CACNA2D1: variants seen among roughly 807,000 people sequenced by gnomAD.
CACNA2D1 encodes voltage-dependent calcium channel subunit alpha-2/delta-1.
A neutral mutation model predicts 171.5 loss-of-function variants in CACNA2D1; 53 were observed. The observed-to-expected ratio is 0.31, with a 90% CI of 0.25 to 0.39. CACNA2D1 has a LOEUF of 0.39. Ranked by LOEUF, CACNA2D1 falls within the 10% of genes least tolerant of loss-of-function variation. CACNA2D1 has a pLI of 1.00. For synonymous variants in CACNA2D1, 442 were observed against 443.1 expected, an observed-to-expected ratio of 1.00 and a Z score of 0.03; for missense variants, 903 against 1,299.8, an observed-to-expected ratio of 0.69 and a Z score of 4.69.
chr7:82,380,790 G>T (rs912782086), intron 1 of CACNA2D1, among the ~76,000 whole-genome samples: 1 of 151,902 alleles, frequency 6.6e-6, no homozygotes, highest in African/African-American at 2.4e-5. Context: ...CGCCTGCCAG[G>T]TTCAAGCGAT....
intron 12 of CACNA2D1, among the ~76,000 whole-genome samples, chr7:82,026,934 A>G (rs1421462099): frequency 1.3e-5 from 2 of 151,668 alleles, no homozygotes; most frequent in Non-Finnish European, 3.0e-5. Flanking sequence ...TATCATTTAT[A>G]CTCATTATTA....
At position 82,305,704 on chromosome 7, in the gene CACNA2D1, C is replaced by A. The variant is rs544779804; in HGVS notation, c.294+29431G>T. On this transcript the variant is annotated intron_variant, in intron 3 of 38. Transcript: ENST00000356860. Reference sequence around the variant, plus strand: ...TCATATTTTCTATGATGCTCATGCACATGTGTGCACAAATAATAAATTTAT... The same window carrying A: ...TCATATTTTCTATGATGCTCATGCAAATGTGTGCACAAATAATAAATTTAT... 4.5e-4 allele frequency among the ~76,000 whole-genome samples: 68 copies of A among 152,314 alleles called. 2 individuals carry two copies. Among genetic ancestry groups the A allele is most frequent in the Non-Finnish European group, 1.0e-4 (7 of 68,032 alleles).
chr7:82,308,395 G>C (rs55882051), intron 3 of CACNA2D1, among the ~76,000 whole-genome samples: 9,970 of 152,268 alleles, frequency 0.065, 376 homozygotes, highest in South Asian at 0.088. Context: ...AGGTGCCATT[G>C]TCTCCTTTTT....
rs1479968895 is a variant in CACNA2D1, at chr7:82,015,438, A to C, written c.1144-959T>G. ...CTAACATGCTATAAAGTATGCAAAT[A>C]TTTTAAAATCAATAGAGAGTTTTTA... On this transcript the variant is annotated intron_variant, in intron 12 of 38. Coordinates refer to ENST00000356860, the MANE Select transcript of CACNA2D1 (RefSeq NM_000722.4). Among the ~76,000 whole-genome samples the C allele has an allele frequency of 5.3e-5, 8 of 152,294 alleles. No homozygotes were observed. The East Asian group carries it at 7.7e-4, about 15-fold the overall frequency.
intron 3 of CACNA2D1, among the ~76,000 whole-genome samples, chr7:82,222,405 C>T (rs1004449433): frequency 6.6e-6 from 1 of 152,180 alleles, no homozygotes; most frequent in African/African-American, 2.4e-5. Flanking sequence ...TTTCCATACT[C>T]TATGCTATTA....
intron 3 of CACNA2D1, among the ~76,000 whole-genome samples, chr7:82,258,985 T>C (rs998684269): frequency 1.3e-5 from 2 of 152,032 alleles, no homozygotes; most frequent in Admixed American, 6.6e-5. Context: ...CACGCCACCA[T>C]GCCTGACTAA....
intron 2 of CACNA2D1, among the ~76,000 whole-genome samples, chr7:82,348,366 A>G (rs905474566): frequency 7.2e-5 from 11 of 151,996 alleles, no homozygotes; most frequent in African/African-American, 2.4e-4. Context: ...TTGCACTAGT[A>G]ATCGAGATTT....
intron 18 of CACNA2D1, among the ~76,000 whole-genome samples, chr7:82,003,775 G>A (rs1249696501): frequency 1.4e-5 from 2 of 141,140 alleles, no homozygotes; most frequent in African/African-American, 2.6e-5. Flanking sequence ...ATGGAGTTTC[G>A]CTCTTGTTGC....
chr7:82,219,211 G>C (rs1345851361), intron 3 of CACNA2D1, among the ~76,000 whole-genome samples: 1 of 152,050 alleles, frequency 6.6e-6, no homozygotes, highest in African/African-American at 2.4e-5. Flanking sequence ...AATTCATGCA[G>C]AAAAAAGTGG....
chr7:82,226,217 G>A (rs775068386), intron 3 of CACNA2D1, among the ~76,000 whole-genome samples: 7 of 152,080 alleles, frequency 4.6e-5, no homozygotes, highest in Non-Finnish European at 1.0e-4. Flanking sequence ...ATTCACAAAA[G>A]TACTAACAGC....
At chr7:82,342,531 C>A (rs2129445109) in intron 2 of CACNA2D1, among the ~76,000 whole-genome samples, 1 of 152,228 alleles carries the variant, frequency 6.6e-6, no homozygotes, top group East Asian at 1.9e-4. Context: ...AGATGCTATG[C>A]AGTTACATAA....
chr7:82,137,820 C>T (rs553876461), intron 4 of CACNA2D1, among the ~76,000 whole-genome samples: 3 of 151,518 alleles, frequency 2.0e-5, no homozygotes, highest in East Asian at 3.9e-4. Flanking sequence ...GCGGAGCTTG[C>T]AGTGAGCTGA....
intron 3 of CACNA2D1, among the ~76,000 whole-genome samples, chr7:82,235,257 C>A (rs564568004): frequency 1.2e-4 from 18 of 152,178 alleles, no homozygotes; most frequent in Non-Finnish European, 8.8e-5. Context: ...CTCCTCTCTG[C>A]AGATAAAAAT....
intron 3 of CACNA2D1, among the ~76,000 whole-genome samples, chr7:82,174,820 G>A (rs1189646572): frequency 2.6e-5 from 4 of 152,074 alleles, no homozygotes; most frequent in Admixed American, 6.6e-5. Flanking sequence ...CAGTAAAAAC[G>A]CTTTTGCTAT....
chr7:82,352,783 T>C (rs1820004897), intron 1 of CACNA2D1, among the ~76,000 whole-genome samples: 3 of 151,948 alleles, frequency 2.0e-5, no homozygotes, highest in Non-Finnish European at 2.9e-5. Flanking sequence ...CTTGACAAAA[T>C]TGAGCAGAGA....
At position 82,014,792 on chromosome 7, in the gene CACNA2D1, G is replaced by A. The variant is rs138327094; in HGVS notation, c.1144-313C>T. On this transcript the variant is annotated intron_variant, in intron 12 of 38. Transcript: ENST00000356860. ...TTCATGGCCAGACGCAGTGGCTCAC[G>A]CTCGTAATCCCAGCACTTCGGGAGG... Among the ~76,000 whole-genome samples the A allele has an allele frequency of 2.9e-3, 444 of 152,242 alleles. 3 individuals carry two copies. The highest frequency in any genetic ancestry group is 9.1e-3 in the South Asian group (44 of 4,830).
chr7:82,301,402 A>C (rs1293422210), intron 3 of CACNA2D1, among the ~76,000 whole-genome samples: 1 of 151,908 alleles, frequency 6.6e-6, no homozygotes, highest in African/African-American at 2.4e-5. Flanking sequence ...TGGGATTATA[A>C]GCGTGAGCCA....
At chr7:82,206,027 C>A (rs1489306805) in intron 3 of CACNA2D1, among the ~76,000 whole-genome samples, 1 of 152,048 alleles carries the variant, frequency 6.6e-6, no homozygotes. Flanking sequence ...TCCCATTAAT[C>A]TCTAAAGGAC....
chr7:82,060,165 A>ATTTT lies in CACNA2D1; in HGVS notation c.879+262_879+263insAAAA, dbSNP rs377355935. Among the ~76,000 whole-genome samples, 3 of 22,232 alleles carry ATTTT rather than the reference A, an allele frequency of 1.3e-4. 1 individual carries two copies. Among genetic ancestry groups the ATTTT allele is most frequent in the African/African-American group, 2.5e-4 (3 of 12,118 alleles). The allele number at this position is 22,232 out of a possible 152,430, so 14.6% of individuals were successfully genotyped here. On this transcript the variant is annotated intron_variant, in intron 10 of 38. Coordinates refer to ENST00000356860, the MANE Select transcript of CACNA2D1 (RefSeq NM_000722.4). ...TTATATATATGTATTATATATATAT[A>ATTTT]ATATATATATATAATATATATATAT... is the stretch of plus-strand genomic sequence containing the variant.
Sources: allele counts gnomAD v4.1 joint callset (sites outside exome capture counted in the v4.1 genomes callset), GRCh38; gene constraint gnomAD v4.1.1; transcripts MANE v1.5; gene names NCBI Gene and HGNC (gene_info 2026-07-23, HGNC 2026-07-21).